The following CLTC variants were observed in gnomAD, a reference collection of about 807,000 sequenced individuals.
CLTC encodes clathrin heavy chain.
Under a neutral mutation model 195.8 loss-of-function variants are expected in CLTC, and 16 were observed. The ratio of observed to expected loss-of-function variants is 0.08; its 90% CI spans 0.06 to 0.12. The LOEUF (loss-of-function observed/expected upper bound fraction) is 0.12. Ranked by LOEUF, CLTC falls within the 10% of genes least tolerant of loss-of-function variation. The pLI, the probability that CLTC is intolerant of heterozygous loss-of-function variation, is 1.00. For missense variants in CLTC, 796 were observed against 2,027.0 expected (o/e 0.39, Z 11.66); for synonymous variants, 667 against 689.4 (o/e 0.97, Z 0.51).
rs938121898 is a variant in CLTC at position 59,694,030 on chromosome 17, T to C, written c.*178T>C. The stretch of plus-strand genomic sequence containing the variant: ...ACCTATGTTAAAACCTTATTTCACA[T>C]TCCACATCATTTTAGAATTTATTTT... On this transcript the variant is annotated 3_prime_UTR_variant, in exon 32 of 32. Coordinates refer to ENST00000269122, the MANE Select transcript of CLTC (RefSeq NM_004859.4). 7.7e-6 allele frequency: 4 copies of C among 521,364 alleles called. No individual in the cohort carries two copies. Among genetic ancestry groups the C allele is most frequent in the Non-Finnish European group, 1.2e-5 (4 of 327,196 alleles). 32.3% of individuals were successfully genotyped at this position (521,364 alleles called of 1,614,324 possible).
Position 59,666,401 on chromosome 17 carries a change from C to A in CLTC, c.1783-79C>A. The A allele has an allele frequency of 6.5e-7, 1 of 1,535,416 alleles. No homozygotes were observed. On this transcript the variant is annotated intron_variant, in intron 11 of 31. Coordinates refer to ENST00000269122, the MANE Select transcript of CLTC (RefSeq NM_004859.4). The surrounding 1 kb of genome is among the most constrained non-coding windows in gnomAD (Gnocchi z 4.9). ...TGTACTTTAACAGTTCACTATTAAA[C>A]CTTAATCTGTAATACGGATATTGAA...
chr17:59,677,727 T>C (rs2032997566), intron 17 of CLTC, among the ~76,000 whole-genome samples: 1 of 152,246 alleles, frequency 6.6e-6, no homozygotes, highest in African/African-American at 2.4e-5. Context: ...GTAGTTTTCA[T>C]GTCTTTAGTC....
Position 59,681,626 on chromosome 17 carries a change from A to G in CLTC, c.3250-21A>G. ...TAGGATTGATTTTACTCTAACCCTA[A>G]TTTCAAACTTGGATACTTAGGTCTT... is the stretch of plus-strand genomic sequence containing the variant. On this transcript the variant is annotated intron_variant, in intron 20 of 31. Transcript: ENST00000269122. This position sits in a 1 kb window ranked among gnomAD's most constrained non-coding sequence, Gnocchi z 5.0. 1.3e-6 allele frequency: 2 copies of G among 1,599,280 alleles called. No individual in the cohort carries two copies. The highest frequency in any genetic ancestry group is 1.7e-6 in the Non-Finnish European group (2 of 1,170,740).
intron 5 of CLTC, among the ~76,000 whole-genome samples, 161 bp from the exon 6 acceptor site, chr17:59,655,693 T>C (rs925711003): frequency 9.2e-5 from 14 of 152,262 alleles, no homozygotes; most frequent in Non-Finnish European, 1.6e-4. Context: ...TATTTAAATG[T>C]GCTGTAGAAA....
intron 18 of CLTC, among the ~76,000 whole-genome samples, chr17:59,679,950 G>A (rs187986185): frequency 1.3e-5 from 2 of 151,862 alleles, no homozygotes; most frequent in African/African-American, 4.8e-5. Context: ...CCAGCTACTC[G>A]GCAGGAAAAT....
At chr17:59,628,403 C>G (rs2031612666) in intron 1 of CLTC, among the ~76,000 whole-genome samples, 1 of 152,164 alleles carries the variant, frequency 6.6e-6, no homozygotes, top group African/African-American at 2.4e-5. Flanking sequence ...CCCTTACAGG[C>G]ACTCGAATAT....
chr17:59,682,838 T>A lies in CLTC; in HGVS notation c.3765+45T>A. 1 of 1,611,566 alleles carries A rather than the reference T, an allele frequency of 6.2e-7. No homozygotes were observed. The highest frequency in any genetic ancestry group is 8.5e-7 in the Non-Finnish European group (1 of 1,178,524). On this transcript the variant is annotated intron_variant, in intron 23 of 31. Transcript: ENST00000269122. This position sits in a 1 kb window ranked among gnomAD's most constrained non-coding sequence, Gnocchi z 6.8. Reference sequence around the variant, plus strand: ...GAGTGAAGAATTAAAGAAACGCTATTTAAACATTAGTTTAAATAACTAGCC... The same window carrying A: ...GAGTGAAGAATTAAAGAAACGCTATATAAACATTAGTTTAAATAACTAGCC...
In CLTC at chr17:59,648,524, G is replaced by T; in HGVS notation, c.681+123G>T. ...AAGTAATTTTAGTATTCACATTTGT[G>T]GTGACTTAATTTGTTCAAATTTTGC... On this transcript the variant is annotated intron_variant, in intron 4 of 31. Transcript: ENST00000269122. This position sits in a 1 kb window ranked among gnomAD's most constrained non-coding sequence, Gnocchi z 4.5. 3 of 950,432 alleles carry T rather than the reference G, an allele frequency of 3.2e-6. No homozygotes were observed. The highest frequency in any genetic ancestry group is 1.8e-5 in the South Asian group (1 of 56,552). The allele number at this position is 950,432 out of a possible 1,614,324, so 58.9% of individuals were successfully genotyped here. A position where few individuals can be genotyped will look rare whatever the true frequency, so the allele number is the denominator to read the frequency against.
Position 59,681,188 on chromosome 17 carries a change from C to G in CLTC, c.3066-107C>G, listed in dbSNP as rs1385886096. 3.3e-5 allele frequency: 47 copies of G among 1,441,494 alleles called. No homozygotes were observed. The highest frequency in any genetic ancestry group is 4.1e-5 in the Non-Finnish European group (43 of 1,058,526). 89.3% of individuals were successfully genotyped at this position (1,441,494 alleles called of 1,614,324 possible). ...TCTCACTCTTCTAATATCCTCCCCCCTACCCTACCTCTTGAGACAAAAACC... is the reference window on the plus strand; with the variant it reads ...TCTCACTCTTCTAATATCCTCCCCCGTACCCTACCTCTTGAGACAAAAACC... On this transcript the variant is annotated intron_variant, in intron 19 of 31. Coordinates refer to ENST00000269122, the MANE Select transcript of CLTC (RefSeq NM_004859.4). The surrounding 1 kb of genome is among the most constrained non-coding windows in gnomAD (Gnocchi z 5.0).
intron 1 of CLTC, among the ~76,000 whole-genome samples, chr17:59,634,202 C>T (rs765758457): frequency 2.0e-5 from 3 of 152,144 alleles, no homozygotes; most frequent in Non-Finnish European, 2.9e-5. Context: ...AGCCACTATG[C>T]CTGGCCTTGA....
At chr17:59,655,722 T>C (rs2032450632) in intron 5 of CLTC, 132 bp from the exon 6 acceptor site, 4 of 637,190 alleles carry the variant, frequency 6.3e-6, no homozygotes, top group Non-Finnish European at 9.9e-6. Flanking sequence ...ACTTTAAATA[T>C]TAGCTTATAA....
chr17:59,660,629 A>G (rs762652128), intron 7 of CLTC, 41 bp downstream of exon 7: 4 of 1,571,340 alleles, frequency 2.5e-6, no homozygotes, highest in Non-Finnish European at 2.6e-6. Context: ...ACATTAATCC[A>G]TTGTTAATAT....
At position 59,682,801 on chromosome 17, in the gene CLTC, A is replaced by G; in HGVS notation, c.3765+8A>G. 1 of 1,612,944 alleles carries G rather than the reference A, an allele frequency of 6.2e-7. No individual in the cohort carries two copies. Among genetic ancestry groups the G allele is most frequent in the East Asian group, 2.2e-5 (1 of 44,834 alleles). ...ACTCGAACATGGAAAGAGGTAATCT[A>G]AACCCAAGTTTGAGTGAAGAATTAA... On this transcript the variant is annotated splice_region_variant and intron_variant, in intron 23 of 31. Transcript: ENST00000269122. The surrounding 1 kb of genome is among the most constrained non-coding windows in gnomAD (Gnocchi z 6.8).
chr17:59,657,093 T>C (rs2032489299), intron 6 of CLTC, among the ~76,000 whole-genome samples: 1 of 152,234 alleles, frequency 6.6e-6, no homozygotes, highest in Admixed American at 6.5e-5. Context: ...AAATTAGTAT[T>C]TTTCCCAGAT....
intron 2 of CLTC, among the ~76,000 whole-genome samples, chr17:59,645,068 G>T (rs1037181800): frequency 3.9e-5 from 6 of 152,112 alleles, no homozygotes; most frequent in Non-Finnish European, 7.4e-5. Context: ...TTTGTATCTG[G>T]TATAAAACTG....
At chr17:59,632,123 C>T (rs2031737659) in intron 1 of CLTC, among the ~76,000 whole-genome samples, 1 of 152,114 alleles carries the variant, frequency 6.6e-6, no homozygotes, top group Non-Finnish European at 1.5e-5. Flanking sequence ...AATCCCAGCA[C>T]TTTGGGAGGG....
chr17:59,681,650 T>G lies in CLTC; in HGVS notation c.3253T>G (p.Leu1085Val), dbSNP rs544646038. The G allele has an allele frequency of 6.2e-7, 1 of 1,610,842 alleles. No individual in the cohort carries two copies. Among genetic ancestry groups the G allele is most frequent in the Non-Finnish European group, 8.5e-7 (1 of 1,177,940 alleles). ...FDVNTSAVQV[L>V]IEHIGNLDRA... The stretch of plus-strand genomic sequence containing the variant: ...AATTTCAAACTTGGATACTTAGGTC[T>G]TAATTGAGCATATTGGAAACTTGGA... Residue 1085 changes from leucine (L) to valine (V), a missense_variant, in exon 21 of 32, where the codon TTA becomes GTA. Around this residue, in one of 9 missense-constraint regions of CLTC, gnomAD observed 160 missense variants for 448.2 expected, o/e 0.36. Coordinates refer to ENST00000269122, the MANE Select transcript of CLTC (RefSeq NM_004859.4). The surrounding 1 kb of genome is among the most constrained non-coding windows in gnomAD (Gnocchi z 5.0).
intron 7 of CLTC, 100 bp downstream of exon 7, chr17:59,660,688 T>A (rs923056893): frequency 3.5e-6 from 4 of 1,150,680 alleles, no homozygotes; most frequent in Non-Finnish European, 5.1e-6. Flanking sequence ...ACAGATAAAC[T>A]GTTTTTAGAT....
rs1367517880 is a variant in CLTC, at chr17:59,666,516, C to T, written c.1819C>T (p.His607Tyr). ...DAILGNQMFT[H>Y]YDRAHIAQLC... ...TATTCTAGGCAATCAGATGTTCACA[C>T]ATTATGACCGGGCTCATATTGCTCA... Residue 607 changes from histidine (H) to tyrosine (Y), a missense_variant, in exon 12 of 32, where the codon CAT (histidine) becomes TAT (tyrosine). Physicochemically the swap from His to Tyr is moderately conservative, Grantham distance 83. Around this residue, in one of 9 missense-constraint regions of CLTC, gnomAD observed 293 missense variants for 795.6 expected, o/e 0.37. Coordinates refer to ENST00000269122, the MANE Select transcript of CLTC (RefSeq NM_004859.4). This position sits in a 1 kb window ranked among gnomAD's most constrained non-coding sequence, Gnocchi z 4.9. The T allele has an allele frequency of 6.2e-7, 1 of 1,614,070 alleles. No individual in the cohort carries two copies. Among genetic ancestry groups the T allele is most frequent in the Admixed American group, 1.7e-5 (1 of 59,982 alleles).
Sources: allele counts gnomAD v4.1 joint callset (sites outside exome capture counted in the v4.1 genomes callset), GRCh38; gene constraint gnomAD v4.1.1; regional missense constraint gnomAD v4.1.1; non-coding constraint Gnocchi (gnomAD v3.1); transcripts MANE v1.5; gene names NCBI Gene and HGNC (gene_info 2026-07-23, HGNC 2026-07-21).